Variants in DIPK1A observed in about 807,000 individuals in gnomAD.
The protein encoded by DIPK1A is family with sequence similarity 69 member A.
DIPK1A carries 27 observed loss-of-function variants against 40.8 expected under a neutral mutation model. That is an observed-to-expected ratio of 0.66 (90% confidence interval 0.49 to 0.91). The LOEUF (loss-of-function observed/expected upper bound fraction) is 0.91. Ranked by LOEUF, DIPK1A falls within the 40% of genes least tolerant of loss-of-function variation. The probability of loss-of-function intolerance (pLI) is 0.00; values close to 1 mark genes in which losing one functional copy is unlikely to be tolerated. For missense variants in DIPK1A, 412 were observed against 505.7 expected, an observed-to-expected ratio of 0.81 and a Z score of 1.78; for synonymous variants, 166 against 171.3, an observed-to-expected ratio of 0.97 and a Z score of 0.24.
intron 1 of DIPK1A, among the ~76,000 whole-genome samples, chr1:92,903,682 T>C (rs1649504100): frequency 6.6e-6 from 1 of 152,216 alleles, no homozygotes; most frequent in Non-Finnish European, 1.5e-5. Flanking sequence ...AACATAGGGA[T>C]GACCTAGGTC....
At chr1:92,840,311 C>G, downstream of DIPK1A, 1 of 456,464 alleles carries the variant, frequency 2.2e-6, no homozygotes, top group Non-Finnish European at 4.0e-6. Context: ...CACACCTGGC[C>G]TGATTTTTTT....
chr1:92,872,740 T>C (rs1647932337), intron 2 of DIPK1A, among the ~76,000 whole-genome samples: 1 of 152,196 alleles, frequency 6.6e-6, no homozygotes, highest in South Asian at 2.1e-4. Context: ...TCTAGCTACT[T>C]ATGTCCAAGG....
At chr1:92,840,631 A>G (rs765742739), downstream of DIPK1A, 5 of 1,608,362 alleles carry the variant, frequency 3.1e-6, no homozygotes, top group South Asian at 1.1e-5. Context: ...AAGAAGTTAA[A>G]AAGAAGAGGT....
At chr1:92,836,284 G>C (rs367631074) in intron 4 of DIPK1A, 2 of 1,614,152 alleles carry the variant, frequency 1.2e-6, no homozygotes, top group Non-Finnish European at 1.7e-6. Flanking sequence ...GGTCAGCCAG[G>C]TGCCTTCACC....
intron 1 of DIPK1A, among the ~76,000 whole-genome samples, chr1:92,907,989 A>T (rs1344247330): frequency 6.6e-6 from 1 of 152,146 alleles, no homozygotes; most frequent in Non-Finnish European, 1.5e-5. Context: ...ACCTCAGTGG[A>T]TGATAGTGAG....
At chr1:92,913,138 T>A (rs539283038) in intron 1 of DIPK1A, among the ~76,000 whole-genome samples, 1 of 152,266 alleles carries the variant, frequency 6.6e-6, no homozygotes, top group South Asian at 2.1e-4. Flanking sequence ...TTTACAGCTA[T>A]CTTATTCATG....
downstream of DIPK1A, chr1:92,837,890 TGTTG>T (rs1687189615): frequency 1.6e-5 from 8 of 508,112 alleles, no homozygotes; most frequent in East Asian, 7.3e-5. Flanking sequence ...TAATCTGCTT[TGTTG>T]GATAAGAGGT....
chr1:92,931,564 GAAAAA>G (rs35924388), intron 1 of DIPK1A: 2 of 121,414 alleles, frequency 1.6e-5, no homozygotes, highest in Admixed American at 1.7e-4. Flanking sequence ...GCCATCTCTT[GAAAAA>G]AAAAAAAAAA....
intron 1 of DIPK1A, among the ~76,000 whole-genome samples, chr1:92,895,300 T>C (rs1361294132): frequency 1.3e-5 from 2 of 152,068 alleles, no homozygotes; most frequent in Non-Finnish European, 2.9e-5. Flanking sequence ...AAAAAGCTTA[T>C]CCACCATGAT....
chr1:92,912,289 G>A (rs1649861338), intron 1 of DIPK1A, among the ~76,000 whole-genome samples: 1 of 151,994 alleles, frequency 6.6e-6, no homozygotes. Flanking sequence ...CCCATCCCCA[G>A]CACTTACTAA....
intron 1 of DIPK1A, among the ~76,000 whole-genome samples, chr1:92,900,801 G>T (rs778107030): frequency 6.6e-6 from 1 of 151,824 alleles, no homozygotes; most frequent in Non-Finnish European, 1.5e-5. Context: ...GACCCAAGCT[G>T]CTAAAAGGTA....
chr1:92,840,362 A>T (rs1167824108), downstream of DIPK1A: 9 of 565,370 alleles, frequency 1.6e-5, no homozygotes, highest in Admixed American at 2.7e-4. Flanking sequence ...TTCACATTGC[A>T]TAAGGTGAAA....
intron 4 of DIPK1A, chr1:92,834,790 C>A (rs1316376338): frequency 6.2e-7 from 1 of 1,613,130 alleles, no homozygotes; most frequent in Non-Finnish European, 8.5e-7. Context: ...TTGCTTATGC[C>A]CGTATAGAGG....
chr1:92,915,119 A>C (rs1458163560), intron 1 of DIPK1A, among the ~76,000 whole-genome samples: 2 of 150,360 alleles, frequency 1.3e-5, no homozygotes, highest in Non-Finnish European at 3.0e-5. Context: ...ACACACACAC[A>C]CACCCTCCTG....
At chr1:92,835,662 A>C (rs75802654) in intron 4 of DIPK1A, among the ~76,000 whole-genome samples, 1 of 137,642 alleles carries the variant, frequency 7.3e-6, no homozygotes, top group African/African-American at 2.9e-5. Flanking sequence ...CTGTGTCTCA[A>C]AAAAAAAAAA....
chr1:92,851,258 T>C (rs1033924538), intron 2 of DIPK1A, among the ~76,000 whole-genome samples: 23 of 151,966 alleles, frequency 1.5e-4, no homozygotes, highest in African/African-American at 5.1e-4. Context: ...TGGTTCCGGT[T>C]TTAGGCCAGG....
At chr1:92,840,311 C>A, downstream of DIPK1A, 1 of 456,464 alleles carries the variant, frequency 2.2e-6, no homozygotes. Context: ...CACACCTGGC[C>A]TGATTTTTTT....
downstream of DIPK1A, among the ~76,000 whole-genome samples, chr1:92,838,304 A>G (rs890636337): frequency 1.3e-5 from 2 of 152,156 alleles, no homozygotes; most frequent in African/African-American, 4.8e-5. Context: ...GTAGTTTTTT[A>G]TCAATAATGT....
Position 92,842,474 on chromosome 1 carries a change from T to TG in DIPK1A, c.*908dup, listed in dbSNP as rs1390250061. On this transcript the variant is annotated 3_prime_UTR_variant, in exon 5 of 5. Coordinates refer to ENST00000370310, the MANE Select transcript of DIPK1A (RefSeq NM_001006605.5). ...CTAAACCTTGTATATCAAGTTTACA[T>TG]GGGGAAAAAAACATTAGATAAATAA... is the stretch of plus-strand genomic sequence containing the variant. The TG allele has an allele frequency of 2.1e-6, 2 of 969,268 alleles. No homozygotes were observed. The highest frequency in any genetic ancestry group is 3.6e-5 in the African/African-American group (2 of 55,010). 60.0% of individuals were successfully genotyped at this position (969,268 alleles called of 1,614,324 possible).
Sources: gnomAD v4.1 joint callset for allele counts (sites outside exome capture counted in the v4.1 genomes callset) on GRCh38, gnomAD v4.1.1 for gene constraint, MANE v1.5 for transcripts, NCBI Gene and HGNC (gene_info 2026-07-23, HGNC 2026-07-21) for gene names.